Variants in CCDC178 observed in about 807,000 individuals in gnomAD.
CCDC178 encodes the protein coiled-coil domain containing 178.
In CCDC178, 126 loss-of-function variants were observed where a neutral mutation model predicts 117.4. The observed-to-expected ratio is 1.07, with a 90% CI of 0.93 to 1.24. The LOEUF (loss-of-function observed/expected upper bound fraction) is 1.24, where lower values mean the gene tolerates loss of function less well. Ranked by LOEUF, CCDC178 falls within the 50% of genes most tolerant of loss-of-function variation. The probability of loss-of-function intolerance (pLI) is 0.00; values close to 1 mark genes in which losing one functional copy is unlikely to be tolerated. For synonymous variants in CCDC178, 283 were observed against 313.4 expected, an observed-to-expected ratio of 0.90 and a Z score of 1.02; for missense variants, 1,030 against 986.9, an observed-to-expected ratio of 1.04 and a Z score of -0.59.
chr18:33,000,860 T>TA (rs2055616017), intron 21 of CCDC178, among the ~76,000 whole-genome samples: 1 of 152,066 alleles, frequency 6.6e-6, no homozygotes, highest in Admixed American at 6.6e-5. Flanking sequence ...TAATAAGCAA[T>TA]AAGAAAACAT....
chr18:33,022,650 C>T (rs2056145781), intron 21 of CCDC178, among the ~76,000 whole-genome samples: 1 of 151,898 alleles, frequency 6.6e-6, no homozygotes, highest in Non-Finnish European at 1.5e-5. Context: ...AACCCATAAG[C>T]AGTCAAGAAA....
At chr18:33,409,086 A>T (rs2063818044) in intron 3 of CCDC178, among the ~76,000 whole-genome samples, 1 of 152,082 alleles carries the variant, frequency 6.6e-6, no homozygotes, top group African/African-American at 2.4e-5. Flanking sequence ...CATCCAGTTA[A>T]TTATTTTTAT....
At chr18:33,179,077 AAATATATATATATATATATAT>A (rs2058698203) in intron 20 of CCDC178, among the ~76,000 whole-genome samples, 1 of 88,372 alleles carries the variant, frequency 1.1e-5, no homozygotes, top group Non-Finnish European at 2.1e-5. Flanking sequence ...AAAAAAAAAA[AAATATATATATATATATATAT>A]ATATATATAT....
chr18:33,316,421 GC>G (rs2062418278), intron 11 of CCDC178, among the ~76,000 whole-genome samples: 1 of 152,212 alleles, frequency 6.6e-6, no homozygotes, highest in South Asian at 2.1e-4. Context: ...CCGTGAGGCA[GC>G]GCTCCGGACC....
intron 12 of CCDC178, among the ~76,000 whole-genome samples, chr18:33,269,408 G>A (rs1021673732): frequency 6.6e-6 from 1 of 151,792 alleles, no homozygotes; most frequent in Non-Finnish European, 1.5e-5. Context: ...GTATTCACAT[G>A]TTCTGGAAAT....
At chr18:33,311,801 G>A (rs951334673) in intron 11 of CCDC178, among the ~76,000 whole-genome samples, 3 of 152,104 alleles carry the variant, frequency 2.0e-5, no homozygotes, top group African/African-American at 7.2e-5. Flanking sequence ...CTGGATGTAG[G>A]GTGCAAGACT....
chr18:33,334,861 T>G (rs1173674858), intron 9 of CCDC178, among the ~76,000 whole-genome samples: 1 of 152,092 alleles, frequency 6.6e-6, no homozygotes, highest in Non-Finnish European at 1.5e-5. Flanking sequence ...AATGACTATA[T>G]GAATATTTTG....
chr18:33,168,564 A>G (rs1054442771), intron 20 of CCDC178, among the ~76,000 whole-genome samples: 3 of 152,224 alleles, frequency 2.0e-5, no homozygotes, highest in African/African-American at 7.2e-5. Context: ...ACTGTTAATA[A>G]AAATAAATTT....
At chr18:32,979,713 A>C (rs1480813809) in intron 21 of CCDC178, among the ~76,000 whole-genome samples, 1 of 152,202 alleles carries the variant, frequency 6.6e-6, no homozygotes, top group Non-Finnish European at 1.5e-5. Flanking sequence ...GGTTTCATGA[A>C]AGTTGATCTA....
chr18:33,142,405 T>G (rs1437452658), intron 20 of CCDC178, among the ~76,000 whole-genome samples: 1 of 152,194 alleles, frequency 6.6e-6, no homozygotes, highest in African/African-American at 2.4e-5. Context: ...CTGTGGAATT[T>G]TGAACAATAC....
At chr18:33,245,693 G>C (rs1156967176) in intron 14 of CCDC178, among the ~76,000 whole-genome samples, 2 of 151,696 alleles carry the variant, frequency 1.3e-5, no homozygotes, top group Non-Finnish European at 2.9e-5. Flanking sequence ...CCGGGTGCTT[G>C]GCTTTTTGAA....
At chr18:33,405,112 G>T (rs2063762890) in intron 3 of CCDC178, among the ~76,000 whole-genome samples, 2 of 152,092 alleles carry the variant, frequency 1.3e-5, no homozygotes, top group South Asian at 4.2e-4. Context: ...TATGTGAATT[G>T]TAGCTTAATT....
intron 21 of CCDC178, among the ~76,000 whole-genome samples, chr18:33,067,389 T>C (rs1174411336): frequency 1.3e-5 from 2 of 152,118 alleles, no homozygotes; most frequent in African/African-American, 2.4e-5. Context: ...AATAAATGTC[T>C]ATATCGAAAA....
intron 21 of CCDC178, among the ~76,000 whole-genome samples, chr18:33,051,774 T>A (rs1466263131): frequency 6.6e-6 from 1 of 152,156 alleles, no homozygotes; most frequent in African/African-American, 2.4e-5. Flanking sequence ...TTAGATATAT[T>A]TTTAAACAGT....
At chr18:33,375,277 C>T (rs189967243) in intron 5 of CCDC178, among the ~76,000 whole-genome samples, 3 of 152,136 alleles carry the variant, frequency 2.0e-5, no homozygotes, top group Non-Finnish European at 4.4e-5. Flanking sequence ...TTCCTGTTCA[C>T]CTATTTTTTC....
At chr18:33,304,921 T>C (rs902130288) in intron 11 of CCDC178, among the ~76,000 whole-genome samples, 6 of 152,182 alleles carry the variant, frequency 3.9e-5, no homozygotes, top group African/African-American at 1.4e-4. Context: ...CATTCCTCCT[T>C]TTGATTTTAA....
intron 3 of CCDC178, among the ~76,000 whole-genome samples, chr18:33,404,711 CATCT>C (rs2063757827): frequency 2.0e-5 from 3 of 152,012 alleles, no homozygotes; most frequent in African/African-American, 4.8e-5. Flanking sequence ...ACAACTAAAA[CATCT>C]ATCTACTGAT....
intron 21 of CCDC178, among the ~76,000 whole-genome samples, chr18:33,015,197 A>C (rs2055957061): frequency 6.6e-6 from 1 of 151,460 alleles, no homozygotes; most frequent in African/African-American, 2.4e-5. Flanking sequence ...CAGAGGCTGC[A>C]GTGAGCCAAG....
chr18:33,155,357 A>C (rs1474514224), intron 20 of CCDC178, among the ~76,000 whole-genome samples: 1 of 152,134 alleles, frequency 6.6e-6, no homozygotes, highest in Non-Finnish European at 1.5e-5. Context: ...GATATACCTA[A>C]AGCTATGCTT....
Sources: allele counts gnomAD v4.1 joint callset (sites outside exome capture counted in the v4.1 genomes callset), GRCh38; gene constraint gnomAD v4.1.1; transcripts MANE v1.5; gene names NCBI Gene and HGNC (gene_info 2026-07-23, HGNC 2026-07-21).